SLCO2A1: variants seen among roughly 807,000 people sequenced by gnomAD.
The protein encoded by SLCO2A1 is matrin F/G 1.
A neutral mutation model predicts 71.7 loss-of-function variants in SLCO2A1; 60 were observed. The observed-to-expected ratio is 0.84, with a 90% CI of 0.68 to 1.04. SLCO2A1 has a LOEUF of 1.04. SLCO2A1 is among the 50% of genes least tolerant of loss of function. The pLI is 0.00. For missense variants in SLCO2A1, 745 were observed against 813.4 expected (o/e 0.92, Z 1.02); for synonymous variants, 308 against 326.7 (o/e 0.94, Z 0.62).
intron 1 of SLCO2A1, among the ~76,000 whole-genome samples, chr3:134,002,288 C>T (rs1347508070): frequency 6.6e-6 from 1 of 152,222 alleles, no homozygotes; most frequent in Non-Finnish European, 1.5e-5. Flanking sequence ...CCGTCCTCAG[C>T]ACCCTCCTGC....
At chr3:133,954,838 G>T in intron 4 of SLCO2A1, 128 bp downstream of exon 4, 2 of 683,722 alleles carry the variant, frequency 2.9e-6, no homozygotes, top group Non-Finnish European at 2.5e-6. Context: ...GGATCCCCAG[G>T]CCTCTGAACT....
At chr3:133,950,784 C>G (rs886104236) in intron 6 of SLCO2A1, among the ~76,000 whole-genome samples, 3 of 152,186 alleles carry the variant, frequency 2.0e-5, no homozygotes, top group Non-Finnish European at 4.4e-5. Context: ...TTTCAGCCAC[C>G]CTCAACACTG....
chr3:134,021,208 C>T (rs915373621), intron 1 of SLCO2A1, among the ~76,000 whole-genome samples: 12 of 152,228 alleles, frequency 7.9e-5, no homozygotes, highest in African/African-American at 2.9e-4. Context: ...GTGGTATGAG[C>T]GTGTTTTGTC....
chr3:133,993,934 T>C (rs1934906650), intron 1 of SLCO2A1, among the ~76,000 whole-genome samples: 1 of 152,202 alleles, frequency 6.6e-6, no homozygotes, highest in Non-Finnish European at 1.5e-5. Flanking sequence ...AAAGAGAAGC[T>C]AGTTTTTCAG....
At chr3:133,980,523 G>A (rs972419855) in intron 1 of SLCO2A1, among the ~76,000 whole-genome samples, 3 of 152,242 alleles carry the variant, frequency 2.0e-5, no homozygotes, top group Non-Finnish European at 4.4e-5. Context: ...CTCTGAGCCA[G>A]GAGTCCTATT....
intron 1 of SLCO2A1, among the ~76,000 whole-genome samples, chr3:133,982,528 T>C (rs1934618027): frequency 6.6e-6 from 1 of 152,152 alleles, no homozygotes; most frequent in Non-Finnish European, 1.5e-5. Context: ...TCTTCCCCCA[T>C]AAACTGCTCC....
chr3:133,981,511 C>A (rs1405878022), intron 1 of SLCO2A1, among the ~76,000 whole-genome samples: 1 of 152,088 alleles, frequency 6.6e-6, no homozygotes, highest in African/African-American at 2.4e-5. Flanking sequence ...AGAGGCTAGG[C>A]CCAAGCTCAG....
intron 1 of SLCO2A1, among the ~76,000 whole-genome samples, chr3:133,985,286 C>T (rs139119046): frequency 8.2e-4 from 125 of 152,320 alleles, no homozygotes; most frequent in Non-Finnish European, 1.4e-3. Context: ...TTCTGAGTTC[C>T]GTAGTAAAGA....
chr3:133,981,326 G>T (rs548988934), intron 1 of SLCO2A1, among the ~76,000 whole-genome samples: 1 of 152,280 alleles, frequency 6.6e-6, no homozygotes, highest in Non-Finnish European at 1.5e-5. Context: ...AGGTCAAATT[G>T]CCTCGTTCCT....
intron 3 of SLCO2A1, among the ~76,000 whole-genome samples, chr3:133,965,125 G>C (rs913728642): frequency 6.6e-6 from 1 of 152,072 alleles, no homozygotes; most frequent in Non-Finnish European, 1.5e-5. Context: ...CTCTTTAAAG[G>C]GGGAAAAAAA....
chr3:133,934,149 G>A lies in SLCO2A1; in HGVS notation c.*564C>T, dbSNP rs538936268. The A allele has an allele frequency of 2.6e-5, 4 of 152,634 alleles. No homozygotes were observed. The highest frequency in any genetic ancestry group is 9.6e-5 in the African/African-American group (4 of 41,576). The allele number at this position is 152,634 out of a possible 1,614,324, so 9.5% of individuals were successfully genotyped here. A position where few individuals can be genotyped will look rare whatever the true frequency, so the allele number is the denominator to read the frequency against. ...CTCTAGGTACAGGAAGTGAGGGTCT[G>A]AGGGGGAGGGAGCCAGCCCCTCCCG... On this transcript the variant is annotated 3_prime_UTR_variant, in exon 14 of 14. Coordinates refer to ENST00000310926, the MANE Select transcript of SLCO2A1 (RefSeq NM_005630.3).
At chr3:134,002,451 T>C (rs1935125853) in intron 1 of SLCO2A1, among the ~76,000 whole-genome samples, 1 of 152,232 alleles carries the variant, frequency 6.6e-6, no homozygotes, top group African/African-American at 2.4e-5. Context: ...TAGAAGCTCA[T>C]GTTCCCTGGC....
At chr3:134,012,309 T>G (rs150114796) in intron 1 of SLCO2A1, among the ~76,000 whole-genome samples, 1 of 152,278 alleles carries the variant, frequency 6.6e-6, no homozygotes, top group Non-Finnish European at 1.5e-5. Context: ...TAATGGGTTC[T>G]GCTAGCTTCA....
chr3:134,006,125 T>C (rs772533729), intron 1 of SLCO2A1, among the ~76,000 whole-genome samples: 15 of 152,202 alleles, frequency 9.9e-5, no homozygotes, highest in Admixed American at 1.3e-4. Flanking sequence ...GGTGCAATCA[T>C]GGCTAAAAGC....
chr3:134,021,057 G>A (rs1368218081), intron 1 of SLCO2A1, among the ~76,000 whole-genome samples: 2 of 152,190 alleles, frequency 1.3e-5, no homozygotes, highest in East Asian at 3.9e-4. Context: ...GACTTGACTT[G>A]GATTGCTTGA....
At chr3:134,002,490 C>T (rs1935126480) in intron 1 of SLCO2A1, among the ~76,000 whole-genome samples, 1 of 152,220 alleles carries the variant, frequency 6.6e-6, no homozygotes, top group Non-Finnish European at 1.5e-5. Context: ...TCCATTACTT[C>T]CCACAAATCA....
At chr3:134,011,890 C>T (rs868253753) in intron 1 of SLCO2A1, among the ~76,000 whole-genome samples, 7 of 151,946 alleles carry the variant, frequency 4.6e-5, no homozygotes, top group Non-Finnish European at 7.4e-5. Context: ...CAGAGGGAGG[C>T]GGGGGTAAGA....
At chr3:133,987,131 G>GCCCCCCCCCCCCCCCC (rs71136502) in intron 1 of SLCO2A1, among the ~76,000 whole-genome samples, 2 of 105,032 alleles carry the variant, frequency 1.9e-5, no homozygotes, top group African/African-American at 7.8e-5. Flanking sequence ...AAAATTCAAA[G>GCCCCCCCCCCCCCCCC]CCCCCCCCCC....
chr3:133,967,720 A>G (rs57046183), intron 3 of SLCO2A1, among the ~76,000 whole-genome samples: 32,083 of 150,826 alleles, frequency 0.21, 3,792 homozygotes, highest in East Asian at 0.33. Flanking sequence ...CCCTCCACCA[A>G]TACATACACC....
Sources: gnomAD v4.1 joint callset for allele counts (sites outside exome capture counted in the v4.1 genomes callset) on GRCh38, gnomAD v4.1.1 for gene constraint, MANE v1.5 for transcripts, NCBI Gene and HGNC (gene_info 2026-07-23, HGNC 2026-07-21) for gene names.